Variants in ADAM29 observed in about 807,000 individuals in gnomAD.
ADAM29 encodes the protein disintegrin and metalloproteinase domain-containing protein 29.
For missense variants in ADAM29, 969 were observed against 1,001.8 expected (o/e 0.97, Z 0.44); for synonymous variants, 367 against 342.3 (o/e 1.07, Z -0.80).
chr4:174,943,451 C>T (rs970045181), intron 4 of ADAM29, among the ~76,000 whole-genome samples: 1 of 152,142 alleles, frequency 6.6e-6, no homozygotes, highest in African/African-American at 2.4e-5. Flanking sequence ...TTGGAGGCTT[C>T]AGGAAAATGA....
At chr4:174,974,012 T>A (rs1746611621) in intron 4 of ADAM29, among the ~76,000 whole-genome samples, 1 of 152,214 alleles carries the variant, frequency 6.6e-6, no homozygotes, top group African/African-American at 2.4e-5. Flanking sequence ...GCTAGTTACC[T>A]GGTTATCGAA....
chr4:174,950,908 C>T (rs1745132907), intron 4 of ADAM29, among the ~76,000 whole-genome samples: 1 of 152,092 alleles, frequency 6.6e-6, no homozygotes, highest in Admixed American at 6.5e-5. Flanking sequence ...GTCTCTCTCT[C>T]CTGCTCCCCC....
chr4:174,956,358 T>A (rs1162340179), intron 4 of ADAM29, among the ~76,000 whole-genome samples: 1 of 152,028 alleles, frequency 6.6e-6, no homozygotes, highest in African/African-American at 2.4e-5. Flanking sequence ...TTTAATTTTT[T>A]AGTAAATATT....
intron 4 of ADAM29, among the ~76,000 whole-genome samples, chr4:174,963,886 G>A (rs144502618): frequency 1.8e-3 from 269 of 151,934 alleles, no homozygotes; most frequent in Non-Finnish European, 1.7e-3. Context: ...TTCCAGGCTG[G>A]TCTCGAACTC....
Position 174,976,347 on chromosome 4 carries a change from G to A in ADAM29, c.822G>A (p.Ser274=), listed in dbSNP as rs542436582. 6.8e-6 allele frequency: 11 copies of A among 1,609,676 alleles called. No homozygotes were observed. Among genetic ancestry groups the A allele is most frequent in the East Asian group, 4.5e-5 (2 of 44,858 alleles). ...TGCACCTGTATTGCAAGTGGAAGTC[G>A]GAGAACATTACGCCCCGGATGCAAC... ...KSVHLYCKWK[S]ENITPRMQHD... is the part of the protein sequence containing the mutation. Residue 274 remains serine (S), a synonymous_variant, in exon 5 of 5, where the codon TCG becomes TCA. Coordinates refer to ENST00000359240, the MANE Select transcript of ADAM29 (RefSeq NM_014269.4).
intron 2 of ADAM29, among the ~76,000 whole-genome samples, chr4:174,928,868 GAA>G (rs1273648250): frequency 2.0e-5 from 3 of 152,158 alleles, no homozygotes; most frequent in African/African-American, 7.2e-5. Flanking sequence ...AGGACCTGGA[GAA>G]AGACATTCCT....
intron 4 of ADAM29, among the ~76,000 whole-genome samples, chr4:174,970,795 G>A (rs754022516): frequency 6.6e-5 from 10 of 151,992 alleles, no homozygotes; most frequent in South Asian, 4.1e-4. Context: ...GTTATCTTAC[G>A]ATCCATTTTA....
At position 174,934,023 on chromosome 4, in the gene ADAM29, T is replaced by A. The variant is rs1233139594; in HGVS notation, c.-262+2849T>A. Among the ~76,000 whole-genome samples the A allele has an allele frequency of 2.0e-5, 3 of 152,214 alleles. No individual in the cohort carries two copies. The East Asian group carries it at 5.8e-4, about 29-fold the overall frequency. Reference sequence around the variant, plus strand: ...TGATTGCTAGGTTGAACGGTGCTTCTGTTTTTAGCTCTTTGAGGAGTTGCC... The same window carrying A: ...TGATTGCTAGGTTGAACGGTGCTTCAGTTTTTAGCTCTTTGAGGAGTTGCC... On this transcript the variant is annotated intron_variant, in intron 3 of 4. Transcript: ENST00000359240.
intron 2 of ADAM29, among the ~76,000 whole-genome samples, chr4:174,927,622 G>A (rs1437398748): frequency 6.6e-6 from 1 of 152,172 alleles, no homozygotes. Flanking sequence ...TACAAATTGT[G>A]ATTAAGTTTT....
rs6827986 is a variant in ADAM29 at position 174,947,851 on chromosome 4, C to T, written c.-181+10838C>T. Among the ~76,000 whole-genome samples the T allele has an allele frequency of 4.7e-3, 719 of 152,190 alleles. 5 individuals are homozygous for T. The highest frequency in any genetic ancestry group is 0.017 in the African/African-American group (690 of 41,524). The stretch of plus-strand genomic sequence containing the variant: ...TACTGTCAATTGGAGGTGAAGTTTC[C>T]CACTGTTATTGTGTAGTTGTCTAAG... On this transcript the variant is annotated intron_variant, in intron 4 of 4. Transcript: ENST00000359240.
chr4:174,938,496 T>C (rs1220868451), intron 4 of ADAM29, among the ~76,000 whole-genome samples: 1 of 152,276 alleles, frequency 6.6e-6, no homozygotes, highest in East Asian at 1.9e-4. Flanking sequence ...AAAACTTCTG[T>C]ATATACAAAA....
chr4:174,976,699 A>G lies in ADAM29; in HGVS notation c.1174A>G (p.Lys392Glu), dbSNP rs779653840. The G allele has an allele frequency of 1.2e-6, 2 of 1,614,072 alleles. No homozygotes were observed. Among genetic ancestry groups the G allele is most frequent in the East Asian group, 4.5e-5 (2 of 44,870 alleles). Residue 392 changes from lysine (K) to glutamate (E), a missense_variant, in exon 5 of 5, where the codon AAG (lysine) becomes GAG (glutamate). Coordinates refer to ENST00000359240, the MANE Select transcript of ADAM29 (RefSeq NM_014269.4). ...TKCLLETVHT[K>E]DIFNVKRCGN... Reference sequence around the variant, plus strand: ...GTGTTTGCTTGAAACAGTACACACAAAGGACATCTTTAATGTGAAGCGCTG... The same window carrying G: ...GTGTTTGCTTGAAACAGTACACACAGAGGACATCTTTAATGTGAAGCGCTG...
chr4:174,962,936 A>C (rs1231282501), intron 4 of ADAM29, among the ~76,000 whole-genome samples: 1 of 152,184 alleles, frequency 6.6e-6, no homozygotes, highest in Non-Finnish European at 1.5e-5. Context: ...TGCTCTACCA[A>C]TGCAAAAATG....
At chr4:174,966,395 T>C (rs953655179) in intron 4 of ADAM29, among the ~76,000 whole-genome samples, 3 of 152,088 alleles carry the variant, frequency 2.0e-5, no homozygotes, top group Admixed American at 6.5e-5. Context: ...CAGATATGGG[T>C]GAGACTCCAA....
At chr4:174,971,669 T>C (rs978459519) in intron 4 of ADAM29, among the ~76,000 whole-genome samples, 2 of 152,182 alleles carry the variant, frequency 1.3e-5, no homozygotes, top group African/African-American at 2.4e-5. Context: ...TTACAATGTG[T>C]CTCAATGTTG....
At chr4:174,965,206 A>G (rs1192907967) in intron 4 of ADAM29, among the ~76,000 whole-genome samples, 1 of 151,750 alleles carries the variant, frequency 6.6e-6, no homozygotes, top group Non-Finnish European at 1.5e-5. Flanking sequence ...GGCAGAAAGC[A>G]GAAGGGTGCA....
intron 2 of ADAM29, among the ~76,000 whole-genome samples, chr4:174,922,553 A>T (rs2110891970): frequency 6.6e-6 from 1 of 152,268 alleles, no homozygotes; most frequent in South Asian, 2.1e-4. Flanking sequence ...CAGAGGTACC[A>T]TTTATGGAGG....
At position 174,976,410 on chromosome 4, in the gene ADAM29, A is replaced by G. The variant is rs147143176; in HGVS notation, c.885A>G (p.Arg295=). 5.4e-5 allele frequency: 87 copies of G among 1,597,510 alleles called. 1 individual carries two copies. In the African/African-American group the frequency reaches 1.0e-3, roughly 19 times the overall value. ...ATCTTTTCACAACTCTAGGATTAAG[A>G]GGGTTAAGTGGCATAGGAGCTTTTA... ...TSHLFTTLGL[R]GLSGIGAFRG... The change falls in exon 5 of 5, where the codon AGA becomes AGG. Residue 295 remains arginine, a synonymous_variant. Coordinates refer to ENST00000359240, the MANE Select transcript of ADAM29 (RefSeq NM_014269.4).
In ADAM29 at chr4:174,975,485, C is replaced by G; in HGVS notation, c.-41C>G. 1 of 1,493,740 alleles carries G rather than the reference C, an allele frequency of 6.7e-7. No homozygotes were observed. Among genetic ancestry groups the G allele is most frequent in the Non-Finnish European group, 8.9e-7 (1 of 1,121,662 alleles). 92.5% of individuals were successfully genotyped at this position (1,493,740 alleles called of 1,614,324 possible). A position where few individuals can be genotyped will look rare whatever the true frequency, so the allele number is the denominator to read the frequency against. The stretch of plus-strand genomic sequence containing the variant: ...CTGCTCTGGACCAGTGTTTCCATAA[C>G]AGGGACTTCAAAATCACTGTGATTT... On this transcript the variant is annotated 5_prime_UTR_variant, in exon 5 of 5. Coordinates refer to ENST00000359240, the MANE Select transcript of ADAM29 (RefSeq NM_014269.4).
Sources: gnomAD v4.1 joint callset for allele counts (sites outside exome capture counted in the v4.1 genomes callset) on GRCh38, gnomAD v4.1.1 for gene constraint, MANE v1.5 for transcripts, NCBI Gene and HGNC (gene_info 2026-07-23, HGNC 2026-07-21) for gene names.